The following SMCHD1 variants were observed in gnomAD, a reference collection of about 807,000 sequenced individuals.
SMCHD1 encodes structural maintenance of chromosomes flexible hinge domain containing 1.
A neutral mutation model predicts 254.7 loss-of-function variants in SMCHD1; 78 were observed. The ratio of observed to expected loss-of-function variants is 0.31; its 90% CI spans 0.26 to 0.37. The LOEUF (loss-of-function observed/expected upper bound fraction) is 0.37, where lower values mean the gene tolerates loss of function less well. Among genes scored for constraint, SMCHD1 ranks in the 10% least tolerant of loss-of-function variants. The pLI, the probability that SMCHD1 is intolerant of heterozygous loss-of-function variation, is 1.00. For missense variants in SMCHD1, 1,840 were observed against 2,408.1 expected, an observed-to-expected ratio of 0.76 and a Z score of 4.94; for synonymous variants, 766 against 794.9, an observed-to-expected ratio of 0.96 and a Z score of 0.61.
chr18:2,705,772 G>T lies in SMCHD1; in HGVS notation c.1921G>T (p.Val641Leu), dbSNP rs377559548. The T allele has an allele frequency of 1.2e-5, 19 of 1,607,640 alleles. No individual in the cohort carries two copies. Among genetic ancestry groups the T allele is most frequent in the Non-Finnish European group, 1.4e-5 (16 of 1,175,840 alleles). ...TCTTTATGGCGATCATGATGGAGAA[G>T]TATATGCTACAGGAGGAGAGGTTCA... is the stretch of plus-strand genomic sequence containing the variant. ...FFLYGDHDGE[V>L]YATGGEVQIA... The change falls in exon 14 of 48, where the codon GTA (valine) becomes TTA (leucine). Residue 641 changes from valine (V) to leucine (L), a missense_variant. Val to Leu is a conservative substitution (Grantham distance 32, BLOSUM62 1). Coordinates refer to ENST00000320876, the MANE Select transcript of SMCHD1 (RefSeq NM_015295.3).
At chr18:2,694,492 G>C in intron 7 of SMCHD1, 35 bp from the exon 8 acceptor site, 4 of 1,442,042 alleles carry the variant, frequency 2.8e-6, no homozygotes, top group Non-Finnish European at 3.7e-6. Context: ...TAATTTAGAT[G>C]ATTTAATCTG....
rs549694438 is a variant in SMCHD1, at chr18:2,793,477, C to T, written c.5720-2472C>T. Among the ~76,000 whole-genome samples the T allele has an allele frequency of 1.9e-3, 284 of 151,890 alleles. 2 individuals are homozygous for T. Among genetic ancestry groups the T allele is most frequent in the African/African-American group, 6.7e-3 (276 of 41,428 alleles). ...AGGAGATCAAGACCATCCTGGCTAACACAGTGAAACCCTGTCTCTACTAAA... is the reference window on the plus strand; with the variant it reads ...AGGAGATCAAGACCATCCTGGCTAATACAGTGAAACCCTGTCTCTACTAAA... On this transcript the variant is annotated intron_variant, in intron 45 of 47. Transcript: ENST00000320876.
chr18:2,705,607 G>T (rs908605646), intron 13 of SMCHD1, 87 bp from the exon 14 acceptor site: 4 of 512,484 alleles, frequency 7.8e-6, no homozygotes, highest in East Asian at 6.6e-5. Flanking sequence ...TTGTAATAAA[G>T]AAGTTCTGTA....
rs760405155 is a variant in SMCHD1 at position 2,688,359 on chromosome 18, T to C, written c.639-35T>C. The C allele has an allele frequency of 2.1e-6, 3 of 1,463,044 alleles. No homozygotes were observed. In the Admixed American group the frequency reaches 5.1e-5, roughly 25 times the overall value. 90.6% of individuals were successfully genotyped at this position (1,463,044 alleles called of 1,614,324 possible). A position where few individuals can be genotyped will look rare whatever the true frequency, so the allele number is the denominator to read the frequency against. ...AAGTTTCTTTTGACACTTAACTAGC[T>C]TGTTTAAAATCACTGCATTAATGTT... On this transcript the variant is annotated intron_variant, in intron 5 of 47. Transcript: ENST00000320876.
At chr18:2,770,170 C>A in intron 39 of SMCHD1, 62 bp downstream of exon 39, 1 of 1,509,308 alleles carries the variant, frequency 6.6e-7, no homozygotes, top group South Asian at 1.3e-5. Flanking sequence ...CAGGTGAGAT[C>A]GTGATACACA....
intron 12 of SMCHD1, among the ~76,000 whole-genome samples, chr18:2,701,497 C>T (rs978352600): frequency 1.3e-5 from 2 of 152,080 alleles, no homozygotes; most frequent in Non-Finnish European, 1.5e-5. Context: ...TAGTAGAAGC[C>T]ACAGAAGCAT....
At chr18:2,675,561 C>T (rs935766677) in intron 5 of SMCHD1, among the ~76,000 whole-genome samples, 26 of 152,082 alleles carry the variant, frequency 1.7e-4, no homozygotes, top group African/African-American at 6.3e-4. Context: ...CTGCACCTGG[C>T]CTAGATTTCT....
chr18:2,783,411 T>C (rs1242257693), intron 44 of SMCHD1, among the ~76,000 whole-genome samples: 1 of 152,194 alleles, frequency 6.6e-6, no homozygotes, highest in African/African-American at 2.4e-5. Context: ...TTTTAACATA[T>C]TGAGTAGTAA....
chr18:2,676,786 A>T (rs1013197121), intron 5 of SMCHD1, among the ~76,000 whole-genome samples: 4 of 152,074 alleles, frequency 2.6e-5, no homozygotes, highest in African/African-American at 9.7e-5. Flanking sequence ...ACACACACAC[A>T]CTTTGCTTTT....
chr18:2,771,163 T>C (rs2075977597), intron 39 of SMCHD1, among the ~76,000 whole-genome samples: 1 of 152,196 alleles, frequency 6.6e-6, no homozygotes. Context: ...AATCTAGTAG[T>C]GAGATAATGT....
intron 34 of SMCHD1, among the ~76,000 whole-genome samples, chr18:2,756,976 T>C (rs2075693610): frequency 6.6e-6 from 1 of 152,156 alleles, no homozygotes; most frequent in African/African-American, 2.4e-5. Flanking sequence ...GAACAAACTT[T>C]GGGCTTTTAA....
In SMCHD1 at chr18:2,759,571, C is replaced by CTTTTTTTTTTTTTTTTTTTTTTT. The variant is rs61159403; in HGVS notation, c.4347-1065_4347-1064insTTTTTTTTTTTTTTTTTTTTTTT. Among the ~76,000 whole-genome samples the CTTTTTTTTTTTTTTTTTTTTTTT allele has an allele frequency of 2.9e-5, 2 of 69,518 alleles. 1 individual carries two copies. Among genetic ancestry groups the CTTTTTTTTTTTTTTTTTTTTTTT allele is most frequent in the Non-Finnish European group, 5.1e-5 (2 of 39,444 alleles). The allele number at this position is 69,518 out of a possible 152,430, so 45.6% of individuals were successfully genotyped here. On this transcript the variant is annotated intron_variant, in intron 34 of 47. Transcript: ENST00000320876. ...AAGCAGAAGTCCGTTTTAATTCTCTCTTTTTTTTTTTTTTTTGAGATAGAG... is the reference window on the plus strand; with the variant it reads ...AAGCAGAAGTCCGTTTTAATTCTCTCTTTTTTTTTTTTTTTTTTTTTTTTTTTTTTTTTTTTTTTGAGATAGAG...
At chr18:2,728,736 C>A (rs2075074470) in intron 23 of SMCHD1, 140 bp downstream of exon 23, 2 of 786,944 alleles carry the variant, frequency 2.5e-6, no homozygotes, top group Admixed American at 6.4e-5. Context: ...GATCTTATTG[C>A]CAATAGTTTT....
At chr18:2,685,345 C>CACCTCGGCCTCCCAA (rs2074027717) in intron 5 of SMCHD1, among the ~76,000 whole-genome samples, 1 of 151,984 alleles carries the variant, frequency 6.6e-6, no homozygotes, top group Non-Finnish European at 1.5e-5. Flanking sequence ...GTGATCCGCC[C>CACCTCGGCCTCCCAA]ACCTCGGCCT....
intron 27 of SMCHD1, among the ~76,000 whole-genome samples, chr18:2,739,782 TTAA>T (rs1412199123): frequency 6.6e-6 from 1 of 152,114 alleles, no homozygotes; most frequent in Non-Finnish European, 1.5e-5. Flanking sequence ...TAGTTAGAAG[TTAA>T]TAATAAAAGT....
At chr18:2,758,239 C>T (rs1426589423) in intron 34 of SMCHD1, among the ~76,000 whole-genome samples, 6 of 151,710 alleles carry the variant, frequency 4.0e-5, no homozygotes, top group Non-Finnish European at 4.4e-5. Context: ...TCCTGTTTTC[C>T]TTTTTGATTT....
intron 25 of SMCHD1, among the ~76,000 whole-genome samples, chr18:2,734,165 T>C (rs11877763): frequency 0.15 from 23,177 of 152,142 alleles, 2,888 homozygotes; most frequent in East Asian, 0.42. Context: ...AGAATTGAGA[T>C]AGAAATAATT....
intron 5 of SMCHD1, among the ~76,000 whole-genome samples, chr18:2,686,524 T>C (rs1227723081): frequency 6.6e-6 from 1 of 152,230 alleles, no homozygotes; most frequent in African/African-American, 2.4e-5. Context: ...TCAAAACATA[T>C]AGTCTGTTTT....
chr18:2,678,943 G>C (rs2073852507), intron 5 of SMCHD1, among the ~76,000 whole-genome samples: 1 of 150,178 alleles, frequency 6.7e-6, no homozygotes, highest in Non-Finnish European at 1.5e-5. Flanking sequence ...TGCCTCCCTG[G>C]TTCAAGCGAT....
Sources: gnomAD v4.1 joint callset for allele counts (sites outside exome capture counted in the v4.1 genomes callset) on GRCh38, gnomAD v4.1.1 for gene constraint, MANE v1.5 for transcripts, NCBI Gene and HGNC (gene_info 2026-07-23, HGNC 2026-07-21) for gene names.